Variants in FCF1 observed in about 807,000 individuals in gnomAD.
FCF1 encodes FCF1 rRNA-processing protein.
A neutral mutation model predicts 32.5 loss-of-function variants in FCF1; 17 were observed. That is an observed-to-expected ratio of 0.52 (90% confidence interval 0.36 to 0.78). FCF1 has a LOEUF of 0.78. FCF1 is among the 30% of genes least tolerant of loss of function. The pLI, the probability that FCF1 is intolerant of heterozygous loss-of-function variation, is 0.00. For missense variants in FCF1, 201 were observed against 241.1 expected (o/e 0.83, Z 1.10); for synonymous variants, 84 against 78.4 (o/e 1.07, Z -0.38).
intron 4 of FCF1, among the ~76,000 whole-genome samples, chr14:74,720,371 C>CT (rs540964266): frequency 2.0e-5 from 3 of 152,178 alleles, no homozygotes; most frequent in Non-Finnish European, 4.4e-5. Context: ...ACCATTCTCT[C>CT]TATTTCTAGG....
At position 74,732,768 on chromosome 14, in the gene FCF1, A is replaced by G. The variant is rs758605463; in HGVS notation, c.403A>G (p.Thr135Ala). ...KDPRFERLPCTHKGTYADDCL... is the reference protein window; with the variant it reads ...KDPRFERLPCAHKGTYADDCL... The stretch of plus-strand genomic sequence containing the variant: ...TCCAAGATTTGAACGATTACCATGT[A>G]CACACAAAGGAACCTATGCAGATGA... Residue 135 changes from threonine (T) to alanine (A), a missense_variant, in exon 6 of 8, where the codon ACA (threonine) becomes GCA (alanine). Physicochemically the swap from Thr to Ala is moderately conservative, Grantham distance 58 (BLOSUM62 0). Around this residue, in one of 3 missense-constraint regions of FCF1, gnomAD observed 121 missense variants for 147.8 expected, o/e 0.82. Coordinates refer to ENST00000341162, the MANE Select transcript of FCF1 (RefSeq NM_015962.5). 2.5e-6 allele frequency: 4 copies of G among 1,613,260 alleles called. No homozygotes were observed. Among genetic ancestry groups the G allele is most frequent in the Non-Finnish European group, 3.4e-6 (4 of 1,179,488 alleles).
chr14:74,714,705 A>G (rs2090390372), intron 2 of FCF1, among the ~76,000 whole-genome samples, 167 bp from the exon 3 acceptor site: 1 of 152,086 alleles, frequency 6.6e-6, no homozygotes, highest in South Asian at 2.1e-4. Flanking sequence ...GCTTTGCACT[A>G]GAGTTATTTG....
In FCF1 at chr14:74,737,288, G is replaced by A. The variant is rs2090716219; in HGVS notation, c.*2358G>A. The A allele has an allele frequency of 6.6e-6, 1 of 152,304 alleles. No individual in the cohort carries two copies. Among genetic ancestry groups the A allele is most frequent in the Non-Finnish European group, 1.5e-5 (1 of 68,170 alleles). The allele number at this position is 152,304 out of a possible 1,614,324, so 9.4% of individuals were successfully genotyped here. On this transcript the variant is annotated 3_prime_UTR_variant, in exon 8 of 8. Coordinates refer to ENST00000341162, the MANE Select transcript of FCF1 (RefSeq NM_015962.5). ...GAGAATCGCTTGAACCCGGGAGGCA[G>A]AGGTTGCAACGAGCCGAGATCACGC...
intron 5 of FCF1, among the ~76,000 whole-genome samples, chr14:74,729,302 G>A (rs2090606755): frequency 6.6e-6 from 1 of 151,914 alleles, no homozygotes; most frequent in Admixed American, 6.6e-5. Flanking sequence ...TCTATTCAGA[G>A]ATTCAACTTC....
chr14:74,718,077 C>A (rs1338149815), intron 4 of FCF1, among the ~76,000 whole-genome samples: 1 of 152,134 alleles, frequency 6.6e-6, no homozygotes, highest in Non-Finnish European at 1.5e-5. Flanking sequence ...ATTGGTCAGG[C>A]TGGTCTCAAA....
rs754409961 is a variant in FCF1, at chr14:74,735,164, C to T, written c.*234C>T. On this transcript the variant is annotated 3_prime_UTR_variant, in exon 8 of 8. Transcript: ENST00000341162. ...TGGGGCCGCGGGGGTTGGGGGGAAT[C>T]TGTGCAGGGGGAAGCATATTACAGA... 2 of 477,386 alleles carry T rather than the reference C, an allele frequency of 4.2e-6. No homozygotes were observed. The highest frequency in any genetic ancestry group is 7.5e-6 in the Non-Finnish European group (2 of 265,886). The allele number at this position is 477,386 out of a possible 1,614,324, so 29.6% of individuals were successfully genotyped here.
chr14:74,732,405 A>G (rs907175731), intron 5 of FCF1, among the ~76,000 whole-genome samples: 1 of 152,180 alleles, frequency 6.6e-6, no homozygotes, highest in East Asian at 1.9e-4. Context: ...TGAAATGGTT[A>G]GGTTAAAATG....
intron 5 of FCF1, among the ~76,000 whole-genome samples, chr14:74,731,391 G>A (rs1449470927): frequency 6.6e-6 from 1 of 152,164 alleles, no homozygotes; most frequent in Non-Finnish European, 1.5e-5. Flanking sequence ...GTCCTAGACT[G>A]TTGCCCACCT....
chr14:74,729,332 A>G (rs1221551020), intron 5 of FCF1, among the ~76,000 whole-genome samples: 2 of 151,764 alleles, frequency 1.3e-5, no homozygotes, highest in African/African-American at 4.8e-5. Context: ...TAGTCTTGGG[A>G]GAGTGTATGT....
chr14:74,736,796 T>G lies in FCF1; in HGVS notation c.*1866T>G, dbSNP rs1327887655. 1 of 152,216 alleles carries G rather than the reference T, an allele frequency of 6.6e-6. No homozygotes were observed. Among genetic ancestry groups the G allele is most frequent in the African/African-American group, 2.4e-5 (1 of 41,440 alleles). 9.4% of individuals were successfully genotyped at this position (152,216 alleles called of 1,614,324 possible). ...ACTCAATAAACATTTATTAAATGTA[T>G]ACTAGGTGCTTAATAAGAGATGGTC... On this transcript the variant is annotated 3_prime_UTR_variant, in exon 8 of 8. Transcript: ENST00000341162.
chr14:74,714,667 G>T (rs1594780055), intron 2 of FCF1, among the ~76,000 whole-genome samples: 1 of 151,908 alleles, frequency 6.6e-6, no homozygotes, highest in Non-Finnish European at 1.5e-5. Flanking sequence ...TGGCATTACT[G>T]GTTAATTCTG....
chr14:74,713,163 G>A lies in FCF1; in HGVS notation c.-35G>A. The A allele has an allele frequency of 1.2e-6, 2 of 1,614,202 alleles. No individual in the cohort carries two copies. Among genetic ancestry groups the A allele is most frequent in the Non-Finnish European group, 1.7e-6 (2 of 1,180,046 alleles). On this transcript the variant is annotated 5_prime_UTR_variant, in exon 1 of 8. Transcript: ENST00000341162. ...AATGACGTAGAAGTATTGCGCCGTT[G>A]GTGATTACGGAAGAACCAGGAGTTT...
In FCF1 at chr14:74,732,356, A is replaced by G. The variant is rs1344930693; in HGVS notation, c.366-375A>G. ...GTGTTGAGTGATCATCCTTCTGCCT[A>G]TATTCTTGTTCATTGTGTTTAAGAC... On this transcript the variant is annotated intron_variant, in intron 5 of 7. Transcript: ENST00000341162. 2.6e-5 allele frequency among the ~76,000 whole-genome samples: 4 copies of G among 152,226 alleles called. No homozygotes were observed. The East Asian group carries it at 5.8e-4, about 22-fold the overall frequency.
At chr14:74,734,214 A>T (rs761914049) in intron 7 of FCF1, 44 bp downstream of exon 7, 3 of 1,123,534 alleles carry the variant, frequency 2.7e-6, no homozygotes, top group Non-Finnish European at 2.7e-6. Context: ...TATATAATTG[A>T]TATCAATTGA....
rs1470259003 is a variant in FCF1, at chr14:74,723,283, A to T, written c.304A>T (p.Ile102Leu). Residue 102 changes from isoleucine (I) to leucine (L), a missense_variant, in exon 5 of 8, where the codon ATA (isoleucine) becomes TTA (leucine). Ile to Leu is a conservative substitution (Grantham distance 5). This residue lies in a region of FCF1 where 121 missense variants were observed against 147.8 expected (regional missense o/e 0.82). Transcript: ENST00000341162. ...DCLYAKCIPC[I>L]TDCVMAEIEK... ...TTTTTCCCTGGCAGGTATCCCATGT[A>T]TAACCGATTGTGTAATGGCTGAAAT... is the stretch of plus-strand genomic sequence containing the variant. 6.2e-7 allele frequency: 1 copy of T among 1,613,184 alleles called. No individual in the cohort carries two copies. Among genetic ancestry groups the T allele is most frequent in the African/African-American group, 1.3e-5 (1 of 74,902 alleles).
intron 4 of FCF1, among the ~76,000 whole-genome samples, chr14:74,720,600 T>C (rs2090487654): frequency 6.6e-6 from 1 of 152,180 alleles, no homozygotes; most frequent in South Asian, 2.1e-4. Flanking sequence ...CTTTTTACAT[T>C]GAACTATATA....
intron 5 of FCF1, among the ~76,000 whole-genome samples, chr14:74,730,174 A>G (rs2090616284): frequency 6.6e-6 from 1 of 151,384 alleles, no homozygotes; most frequent in African/African-American, 2.4e-5. Flanking sequence ...CATGCAAACC[A>G]ATACTGCATT....
intron 4 of FCF1, among the ~76,000 whole-genome samples, chr14:74,720,616 A>G (rs1332505567): frequency 1.3e-5 from 2 of 152,098 alleles, no homozygotes; most frequent in Non-Finnish European, 2.9e-5. Flanking sequence ...ATATATTTTG[A>G]ACATTTTTCC....
At chr14:74,732,890 C>A in intron 6 of FCF1, 72 bp downstream of exon 6, 1 of 901,166 alleles carries the variant, frequency 1.1e-6, no homozygotes, top group Non-Finnish European at 1.8e-6. Context: ...CCTGAATGTT[C>A]ATGGTCAGTA....
Sources: allele counts gnomAD v4.1 joint callset (sites outside exome capture counted in the v4.1 genomes callset), GRCh38; gene constraint gnomAD v4.1.1; regional missense constraint gnomAD v4.1.1; transcripts MANE v1.5; gene names NCBI Gene and HGNC (gene_info 2026-07-23, HGNC 2026-07-21).